The following SOX5 variants were observed in gnomAD, a reference collection of about 807,000 sequenced individuals.
SOX5 encodes the protein transcription factor SOX-5.
In SOX5, 9 loss-of-function variants were observed where a neutral mutation model predicts 92.0. The observed-to-expected ratio is 0.10, with a 90% CI of 0.06 to 0.17. The LOEUF is 0.17. Among genes scored for constraint, SOX5 ranks in the 10% least tolerant of loss-of-function variants. The pLI, the probability that SOX5 is intolerant of heterozygous loss-of-function variation, is 1.00. For synonymous variants in SOX5, 344 were observed against 336.3 expected (o/e 1.02, Z -0.25); for missense variants, 642 against 944.5 (o/e 0.68, Z 4.20).
chr12:24,499,959 T>C (rs973836039), intron 1 of SOX5, among the ~76,000 whole-genome samples: 1 of 152,120 alleles, frequency 6.6e-6, no homozygotes, highest in African/African-American at 2.4e-5. Context: ...AACCACCCAA[T>C]GTGACTCATC....
At chr12:23,975,147 C>A (rs1948762005) in intron 4 of SOX5, among the ~76,000 whole-genome samples, 2 of 151,984 alleles carry the variant, frequency 1.3e-5, no homozygotes, top group South Asian at 4.2e-4. Context: ...TATACTCTAA[C>A]ATGGGAAATA....
intron 3 of SOX5, among the ~76,000 whole-genome samples, chr12:23,769,402 T>G (rs1000854518): frequency 6.6e-6 from 1 of 151,988 alleles, no homozygotes; most frequent in Non-Finnish European, 1.5e-5. Context: ...TATTTCACAC[T>G]ATTTGAATTA....
intron 1 of SOX5, among the ~76,000 whole-genome samples, chr12:23,937,516 C>G (rs955410234): frequency 6.6e-6 from 1 of 150,820 alleles, no homozygotes; most frequent in African/African-American, 2.4e-5. Flanking sequence ...GCTTCTGGAC[C>G]ATTAACTTCC....
chr12:23,836,176 T>G (rs2096411240), intron 3 of SOX5, among the ~76,000 whole-genome samples: 1 of 151,900 alleles, frequency 6.6e-6, no homozygotes. Flanking sequence ...AACGTCATAT[T>G]AAATTTCATT....
At chr12:23,714,019 G>C (rs958327219) in intron 6 of SOX5, among the ~76,000 whole-genome samples, 2 of 150,834 alleles carry the variant, frequency 1.3e-5, no homozygotes, top group Non-Finnish European at 2.9e-5. Context: ...TTGAACCTAG[G>C]GGGCAGAGGT....
At chr12:23,858,600 G>A (rs2096720692) in intron 2 of SOX5, among the ~76,000 whole-genome samples, 4 of 152,132 alleles carry the variant, frequency 2.6e-5, no homozygotes. Flanking sequence ...GTTGGTGGGA[G>A]TGTAAATTAG....
At chr12:24,358,292 T>G (rs1379465152) in intron 2 of SOX5, among the ~76,000 whole-genome samples, 1 of 152,322 alleles carries the variant, frequency 6.6e-6, no homozygotes, top group Non-Finnish European at 1.5e-5. Context: ...CGAATGACTA[T>G]TTTTATATAA....
chr12:24,484,584 G>A (rs1475510823), intron 1 of SOX5, among the ~76,000 whole-genome samples: 1 of 151,978 alleles, frequency 6.6e-6, no homozygotes, highest in Middle Eastern at 3.2e-3. Context: ...CGTGTGTGTT[G>A]GGATTTCTTA....
At chr12:24,207,605 T>A (rs919841018) in intron 4 of SOX5, among the ~76,000 whole-genome samples, 1 of 152,186 alleles carries the variant, frequency 6.6e-6, no homozygotes, top group Non-Finnish European at 1.5e-5. Flanking sequence ...TGGGCAGATA[T>A]TAAAGATAAA....
intron 4 of SOX5, among the ~76,000 whole-genome samples, chr12:24,021,170 G>A (rs1592404575): frequency 6.6e-6 from 1 of 152,134 alleles, no homozygotes; most frequent in South Asian, 2.1e-4. Flanking sequence ...GGAAGTGCAT[G>A]GAAGGTACAG....
At chr12:24,019,134 C>T (rs1457939859) in intron 4 of SOX5, among the ~76,000 whole-genome samples, 1 of 152,062 alleles carries the variant, frequency 6.6e-6, no homozygotes, top group African/African-American at 2.4e-5. Flanking sequence ...ACATGCCCGT[C>T]CAACTTTTAG....
At chr12:23,682,028 A>G (rs7305960) in intron 6 of SOX5, among the ~76,000 whole-genome samples, 119,918 of 151,392 alleles carry the variant, frequency 0.79, 47,652 homozygotes, top group East Asian at 0.91. Flanking sequence ...GATAGCTCAA[A>G]AAAAAAAAAT....
chr12:23,600,622 T>C (rs2074367822), intron 9 of SOX5, among the ~76,000 whole-genome samples: 1 of 145,574 alleles, frequency 6.9e-6, no homozygotes, highest in African/African-American at 2.6e-5. Context: ...TGACAATATG[T>C]CAGGCATTAG....
At chr12:23,661,311 T>A (rs761652792) in intron 7 of SOX5, among the ~76,000 whole-genome samples, 1 of 152,116 alleles carries the variant, frequency 6.6e-6, no homozygotes, top group Non-Finnish European at 1.5e-5. Context: ...AATAAAACAA[T>A]CATCTCTAAT....
intron 3 of SOX5, among the ~76,000 whole-genome samples, chr12:24,215,999 G>A (rs1959141045): frequency 1.3e-5 from 2 of 152,158 alleles, no homozygotes; most frequent in South Asian, 2.1e-4. Context: ...ACAAGTCAAT[G>A]GAAGGAAGAA....
intron 2 of SOX5, among the ~76,000 whole-genome samples, chr12:24,340,497 A>C (rs1479498432): frequency 6.6e-6 from 1 of 152,188 alleles, no homozygotes; most frequent in Admixed American, 6.5e-5. Context: ...TTGCCATTTA[A>C]ATATCTGGGA....
chr12:23,867,323 G>A (rs981817914), intron 2 of SOX5, among the ~76,000 whole-genome samples: 2 of 151,934 alleles, frequency 1.3e-5, no homozygotes, highest in Admixed American at 6.6e-5. Context: ...GTTCTTTTTG[G>A]CTTATGTTTC....
intron 7 of SOX5, among the ~76,000 whole-genome samples, chr12:23,645,788 A>C (rs1333094361): frequency 6.6e-6 from 1 of 152,182 alleles, no homozygotes; most frequent in Non-Finnish European, 1.5e-5. Flanking sequence ...TAAATAGCTG[A>C]TATGTTTTAC....
chr12:24,402,232 A>C (rs1234702894), intron 1 of SOX5, among the ~76,000 whole-genome samples: 1 of 152,232 alleles, frequency 6.6e-6, no homozygotes, highest in East Asian at 1.9e-4. Context: ...TTACCTGGAA[A>C]GCAATTTGGT....
Sources: allele counts gnomAD v4.1 joint callset (sites outside exome capture counted in the v4.1 genomes callset), GRCh38; gene constraint gnomAD v4.1.1; transcripts MANE v1.5; gene names NCBI Gene and HGNC (gene_info 2026-07-23, HGNC 2026-07-21).